The following CHCHD6 variants were observed in gnomAD, a reference collection of about 807,000 sequenced individuals.
The protein encoded by CHCHD6 is MICOS complex subunit MIC25.
In CHCHD6, 28 loss-of-function variants were observed where a neutral mutation model predicts 32.3. The observed-to-expected ratio is 0.87, with a 90% CI of 0.64 to 1.19. CHCHD6 has a LOEUF of 1.19. Ranked by LOEUF, CHCHD6 falls within the 50% of genes most tolerant of loss-of-function variation. The pLI, the probability that CHCHD6 is intolerant of heterozygous loss-of-function variation, is 0.00. For synonymous variants in CHCHD6, 122 were observed against 117.5 expected (o/e 1.04, Z -0.25); for missense variants, 333 against 307.0 (o/e 1.08, Z -0.63).
chr3:126,759,231 C>A (rs187178517), intron 4 of CHCHD6, among the ~76,000 whole-genome samples: 3 of 152,330 alleles, frequency 2.0e-5, no homozygotes, highest in Non-Finnish European at 4.4e-5. Flanking sequence ...TTCTTCAGGC[C>A]TCACTCTACC....
chr3:126,813,159 G>T lies in CHCHD6; in HGVS notation c.412-39488G>T, dbSNP rs144439901. 2.2e-3 allele frequency among the ~76,000 whole-genome samples: 334 copies of T among 152,234 alleles called. 1 individual carries two copies. The highest frequency in any genetic ancestry group is 7.8e-3 in the African/African-American group (322 of 41,536). ...AAATTTTCAAAATTTCAAAAATTTT[G>T]AGTTCAGATCTTCATTTTGCCTTTT... On this transcript the variant is annotated intron_variant, in intron 4 of 7. Transcript: ENST00000290913.
intron 4 of CHCHD6, among the ~76,000 whole-genome samples, chr3:126,827,496 CT>C (rs1940448153): frequency 6.6e-6 from 1 of 152,188 alleles, no homozygotes; most frequent in Non-Finnish European, 1.5e-5. Flanking sequence ...CCCAATCAGC[CT>C]TGTGCTGCAG....
At chr3:126,760,273 G>A (rs370560192) in intron 4 of CHCHD6, among the ~76,000 whole-genome samples, 9 of 152,208 alleles carry the variant, frequency 5.9e-5, no homozygotes, top group East Asian at 1.9e-4. Context: ...CCAGCCTTTC[G>A]TCCAACAATT....
chr3:126,730,198 A>G (rs1935726596), intron 2 of CHCHD6, among the ~76,000 whole-genome samples: 1 of 152,144 alleles, frequency 6.6e-6, no homozygotes, highest in South Asian at 2.1e-4. Flanking sequence ...GGTTGTCCTC[A>G]TGAAGCAAAG....
chr3:126,850,546 C>T (rs188444096), intron 4 of CHCHD6, among the ~76,000 whole-genome samples: 12 of 152,290 alleles, frequency 7.9e-5, no homozygotes, highest in South Asian at 2.1e-4. Context: ...GAGGAGGCAT[C>T]GCAGTGTGTC....
At chr3:126,842,324 A>G (rs1476822967) in intron 4 of CHCHD6, among the ~76,000 whole-genome samples, 1 of 152,236 alleles carries the variant, frequency 6.6e-6, no homozygotes, top group Non-Finnish European at 1.5e-5. Context: ...AGACTAATCT[A>G]GAAGCTAGGA....
intron 4 of CHCHD6, among the ~76,000 whole-genome samples, chr3:126,828,282 C>T (rs1364262620): frequency 6.6e-6 from 1 of 152,238 alleles, no homozygotes; most frequent in Non-Finnish European, 1.5e-5. Context: ...CTCTTGGATG[C>T]TCCACAGGTC....
At chr3:126,762,245 G>A (rs1179016561) in intron 4 of CHCHD6, among the ~76,000 whole-genome samples, 1 of 151,966 alleles carries the variant, frequency 6.6e-6, no homozygotes, top group African/African-American at 2.4e-5. Context: ...TAGGTTATTA[G>A]TTTGAGATCT....
chr3:126,793,858 A>T (rs1938667823), intron 4 of CHCHD6, among the ~76,000 whole-genome samples: 1 of 152,114 alleles, frequency 6.6e-6, no homozygotes. Flanking sequence ...CCTGAAAGAT[A>T]TTTTTACCAG....
intron 4 of CHCHD6, among the ~76,000 whole-genome samples, chr3:126,763,786 A>G (rs78472606): frequency 0.031 from 4,649 of 152,312 alleles, 98 homozygotes; most frequent in Non-Finnish European, 0.039. Flanking sequence ...CAGAAAGTAG[A>G]ATAGAAGTTA....
At chr3:126,938,506 T>C (rs960927806) in intron 6 of CHCHD6, among the ~76,000 whole-genome samples, 2 of 152,240 alleles carry the variant, frequency 1.3e-5, no homozygotes, top group African/African-American at 4.8e-5. Flanking sequence ...TTATTTATTA[T>C]TGCTGTCGAC....
intron 5 of CHCHD6, among the ~76,000 whole-genome samples, chr3:126,891,891 C>G (rs903157809): frequency 6.6e-6 from 1 of 152,108 alleles, no homozygotes; most frequent in African/African-American, 2.4e-5. Flanking sequence ...TGTTCCAGAG[C>G]TGCGACGGTG....
At chr3:126,738,942 G>A (rs1471574697) in intron 4 of CHCHD6, among the ~76,000 whole-genome samples, 3 of 152,136 alleles carry the variant, frequency 2.0e-5, no homozygotes, top group Non-Finnish European at 4.4e-5. Context: ...GGGAATTCTG[G>A]TCAGAGGTTG....
At chr3:126,736,835 G>T (rs1936065550) in intron 4 of CHCHD6, among the ~76,000 whole-genome samples, 1 of 152,082 alleles carries the variant, frequency 6.6e-6, no homozygotes, top group Non-Finnish European at 1.5e-5. Flanking sequence ...CAAACATTCT[G>T]GGAAGAAATA....
At chr3:126,921,822 G>A (rs2078252610) in intron 6 of CHCHD6, among the ~76,000 whole-genome samples, 1 of 152,238 alleles carries the variant, frequency 6.6e-6, no homozygotes, top group African/African-American at 2.4e-5. Flanking sequence ...CCACCTGAGA[G>A]AATGAATTGT....
intron 5 of CHCHD6, among the ~76,000 whole-genome samples, chr3:126,888,465 A>AT (rs1424561544): frequency 6.6e-6 from 1 of 152,124 alleles, no homozygotes; most frequent in Non-Finnish European, 1.5e-5. Flanking sequence ...GCCACTCCTC[A>AT]TGCGACAGCC....
intron 5 of CHCHD6, among the ~76,000 whole-genome samples, chr3:126,867,855 A>C (rs1425058269): frequency 1.3e-5 from 2 of 151,648 alleles, no homozygotes; most frequent in African/African-American, 4.9e-5. Context: ...TGAAGCTAAA[A>C]CCTCCTCCAC....
At chr3:126,815,655 C>T (rs373060984) in intron 4 of CHCHD6, among the ~76,000 whole-genome samples, 1 of 147,374 alleles carries the variant, frequency 6.8e-6, no homozygotes, top group African/African-American at 2.5e-5. Flanking sequence ...CCCCCCCCCC[C>T]CATCTGTGTC....
At chr3:126,836,974 A>G (rs1018122005) in intron 4 of CHCHD6, among the ~76,000 whole-genome samples, 1 of 152,170 alleles carries the variant, frequency 6.6e-6, no homozygotes, top group Non-Finnish European at 1.5e-5. Flanking sequence ...CTTGTGGTTA[A>G]TTGTTACTCT....
Sources: gnomAD v4.1 joint callset for allele counts (sites outside exome capture counted in the v4.1 genomes callset) on GRCh38, gnomAD v4.1.1 for gene constraint, MANE v1.5 for transcripts, NCBI Gene and HGNC (gene_info 2026-07-23, HGNC 2026-07-21) for gene names.